YTHDF3: variants seen among roughly 807,000 people sequenced by gnomAD.
The protein encoded by YTHDF3 is YTH domain-containing family protein 3.
Under a neutral mutation model 52.5 loss-of-function variants are expected in YTHDF3, and 9 were observed. That is an observed-to-expected ratio of 0.17 (90% confidence interval 0.10 to 0.30). YTHDF3 has a LOEUF of 0.30. YTHDF3 is among the 10% of genes least tolerant of loss of function. YTHDF3 has a pLI of 1.00. For missense variants in YTHDF3, 534 were observed against 715.0 expected (o/e 0.75, Z 2.89); for synonymous variants, 274 against 243.3 (o/e 1.13, Z -1.18).
At chr8:63,200,659 A>T (rs943798996) in intron 4 of YTHDF3, among the ~76,000 whole-genome samples, 5 of 152,148 alleles carry the variant, frequency 3.3e-5, no homozygotes, top group Non-Finnish European at 5.9e-5. Context: ...ATTTGAATTT[A>T]TGGTGGTCTG....
chr8:63,178,023 G>T (rs561694559), intron 3 of YTHDF3, among the ~76,000 whole-genome samples: 1 of 152,270 alleles, frequency 6.6e-6, no homozygotes, highest in Admixed American at 6.5e-5. Context: ...CTCCCAAAGT[G>T]CTGGGATTAC....
At chr8:63,185,500 A>G (rs1808438438) in intron 3 of YTHDF3, among the ~76,000 whole-genome samples, 1 of 152,220 alleles carries the variant, frequency 6.6e-6, no homozygotes, top group African/African-American at 2.4e-5. Context: ...TTCCACCAAT[A>G]AGAAACTATG....
chr8:63,198,658 A>G (rs201265621), intron 4 of YTHDF3, among the ~76,000 whole-genome samples: 5 of 152,204 alleles, frequency 3.3e-5, no homozygotes, highest in Non-Finnish European at 7.3e-5. Flanking sequence ...TGTTAGGTCT[A>G]TCTCAGAGTA....
intron 4 of YTHDF3, among the ~76,000 whole-genome samples, chr8:63,191,024 T>G (rs1036076917): frequency 2.2e-4 from 34 of 152,216 alleles, no homozygotes; most frequent in African/African-American, 8.0e-4. Context: ...GGGTATAGAA[T>G]TCTTTCTAGT....
intron 4 of YTHDF3, among the ~76,000 whole-genome samples, chr8:63,204,005 T>G (rs1039180077): frequency 2.0e-5 from 3 of 152,176 alleles, no homozygotes; most frequent in Non-Finnish European, 4.4e-5. Context: ...TCCCTTTGTG[T>G]ACTCTGTTCC....
chr8:63,208,858 T>TTTG (rs374044131), intron 4 of YTHDF3, among the ~76,000 whole-genome samples: 4,038 of 151,906 alleles, frequency 0.027, 146 homozygotes, highest in African/African-American at 0.084. Flanking sequence ...ACTCATCTTT[T>TTTG]TTGTTGTTGT....
intron 2 of YTHDF3, among the ~76,000 whole-genome samples, chr8:63,171,374 T>G (rs1807315282): frequency 6.6e-6 from 1 of 152,214 alleles, no homozygotes; most frequent in Admixed American, 6.5e-5. Flanking sequence ...CAATTATATT[T>G]GCTGGATTTC....
At position 63,168,852 on chromosome 8, in the gene YTHDF3, C is replaced by T. The variant is rs1277013415; in HGVS notation, c.-26C>T. 4 of 1,553,906 alleles carry T rather than the reference C, an allele frequency of 2.6e-6. No homozygotes were observed. The highest frequency in any genetic ancestry group is 3.5e-6 in the Non-Finnish European group (4 of 1,148,928). ...GGAGAGGCCCAGGCAGCGGCGGCGG[C>T]GGCGGCTCTCGGGTTGCGGTGAAGA... On this transcript the variant is annotated 5_prime_UTR_variant, in exon 1 of 5. Transcript: ENST00000539294.
chr8:63,192,593 G>A (rs1446756725), intron 4 of YTHDF3, among the ~76,000 whole-genome samples: 1 of 152,050 alleles, frequency 6.6e-6, no homozygotes, highest in Non-Finnish European at 1.5e-5. Flanking sequence ...TTTTCTTCCT[G>A]GTACTTTTAG....
At chr8:63,168,951 C>G in intron 1 of YTHDF3, 50 bp downstream of exon 1, 2 of 1,544,400 alleles carry the variant, frequency 1.3e-6, no homozygotes, top group East Asian at 2.5e-5. Context: ...CCCCGGAGCT[C>G]CACCCTCGCG....
chr8:63,171,521 C>T (rs1487080290), intron 2 of YTHDF3, among the ~76,000 whole-genome samples: 12 of 152,100 alleles, frequency 7.9e-5, no homozygotes, highest in Admixed American at 6.6e-4. Context: ...GCAGATGCTA[C>T]AAGTGCACAA....
chr8:63,180,055 G>T (rs1387844613), intron 3 of YTHDF3, among the ~76,000 whole-genome samples: 3 of 150,280 alleles, frequency 2.0e-5, no homozygotes, highest in Non-Finnish European at 3.0e-5. Context: ...GGACGGGGCG[G>T]CTGGCTGGGC....
chr8:63,208,794 A>G (rs951340944), intron 4 of YTHDF3, among the ~76,000 whole-genome samples: 14 of 152,318 alleles, frequency 9.2e-5, no homozygotes, highest in African/African-American at 3.4e-4. Context: ...GATAGGAATT[A>G]TAATTTTTCT....
intron 1 of YTHDF3, chr8:63,169,163 G>A: frequency 8.5e-6 from 12 of 1,412,402 alleles, no homozygotes; most frequent in Non-Finnish European, 1.0e-5. Context: ...CGGCAGACAT[G>A]GGGCGGAGAC....
intron 4 of YTHDF3, among the ~76,000 whole-genome samples, chr8:63,193,679 G>C (rs1345643640): frequency 6.6e-6 from 1 of 152,094 alleles, no homozygotes; most frequent in East Asian, 1.9e-4. Context: ...AATAGTCAAA[G>C]ATGTGAATAG....
At chr8:63,179,815 C>T (rs1476119293) in intron 3 of YTHDF3, among the ~76,000 whole-genome samples, 1 of 151,710 alleles carries the variant, frequency 6.6e-6, no homozygotes, top group African/African-American at 2.4e-5. Context: ...GTGCCCCTCA[C>T]CTCCCGGACG....
intron 1 of YTHDF3, chr8:63,169,165 G>T: frequency 7.1e-7 from 1 of 1,407,404 alleles, no homozygotes; most frequent in Non-Finnish European, 9.4e-7. Context: ...GCAGACATGG[G>T]GCGGAGACCG....
rs1810265127 is a variant in YTHDF3, at chr8:63,209,684, A to G, written c.1736A>G (p.Glu579Gly). Residue 579 changes from glutamate to glycine, a missense_variant and splice_region_variant, in exon 5 of 5, where the codon GAG (glutamate) becomes GGG (glycine). Glu to Gly is a moderately conservative substitution (Grantham distance 98). Coordinates refer to ENST00000539294, the MANE Select transcript of YTHDF3 (RefSeq NM_152758.6). ...RQEEEEAMRRERNRNKQ is the reference protein window; with the variant it reads ...RQEEEEAMRRGRNRNKQ ...GTGTGTGTGTTTTTTTTTTTTCAGG[A>G]GAGAAATAGAAACAAACAATAACCG... 2.6e-6 allele frequency: 4 copies of G among 1,562,038 alleles called. No individual in the cohort carries two copies. Among genetic ancestry groups the G allele is most frequent in the Non-Finnish European group, 3.4e-6 (4 of 1,160,744 alleles).
At chr8:63,205,105 A>G (rs181631481) in intron 4 of YTHDF3, among the ~76,000 whole-genome samples, 11 of 152,170 alleles carry the variant, frequency 7.2e-5, no homozygotes, top group African/African-American at 2.2e-4. Context: ...TCTTTGCTCT[A>G]GGATCCTTGC....
Sources: allele counts gnomAD v4.1 joint callset (sites outside exome capture counted in the v4.1 genomes callset), GRCh38; gene constraint gnomAD v4.1.1; transcripts MANE v1.5; gene names NCBI Gene and HGNC (gene_info 2026-07-23, HGNC 2026-07-21).